WWOX: variants seen among roughly 807,000 people sequenced by gnomAD.
WWOX encodes the protein WW domain-containing oxidoreductase.
A neutral mutation model predicts 46.2 loss-of-function variants in WWOX; 69 were observed. The ratio of observed to expected loss-of-function variants is 1.49; its 90% confidence interval spans 1.23 to 1.82. The LOEUF is 1.82. WWOX is among the 40% of genes most tolerant of loss of function. The pLI is 0.00. For synonymous variants in WWOX, 359 were observed against 202.6 expected, an observed-to-expected ratio of 1.77 and a Z score of -6.56; for missense variants, 919 against 542.6, an observed-to-expected ratio of 1.69 and a Z score of -6.89.
At chr16:79,189,676 T>C (rs751975189) in intron 8 of WWOX, among the ~76,000 whole-genome samples, 8 of 152,082 alleles carry the variant, frequency 5.3e-5, no homozygotes, top group Non-Finnish European at 7.4e-5. Flanking sequence ...GGTTATCTTT[T>C]GACAATAGAT....
At chr16:79,152,624 T>C (rs549272712) in intron 8 of WWOX, among the ~76,000 whole-genome samples, 1 of 149,356 alleles carries the variant, frequency 6.7e-6, no homozygotes, top group Non-Finnish European at 1.5e-5. Context: ...TGAGCCGAGA[T>C]CACGCCACTG....
At chr16:78,276,398 C>G (rs1243951793) in intron 5 of WWOX, among the ~76,000 whole-genome samples, 1 of 152,162 alleles carries the variant, frequency 6.6e-6, no homozygotes, top group African/African-American at 2.4e-5. Flanking sequence ...AATTATAACC[C>G]AAGCGACACA....
intron 4 of WWOX, among the ~76,000 whole-genome samples, chr16:78,122,502 A>G (rs570527151): frequency 6.6e-6 from 1 of 152,334 alleles, no homozygotes; most frequent in East Asian, 1.9e-4. Context: ...GAAAACTTGG[A>G]AATTGTTTTA....
At chr16:78,999,096 C>T (rs547155731) in intron 8 of WWOX, among the ~76,000 whole-genome samples, 1 of 151,364 alleles carries the variant, frequency 6.6e-6, no homozygotes, top group African/African-American at 2.4e-5. Context: ...TTGCGCAACA[C>T]AACTGCAGAG....
intron 8 of WWOX, among the ~76,000 whole-genome samples, chr16:78,900,988 G>A (rs1282680647): frequency 2.0e-5 from 3 of 152,120 alleles, no homozygotes; most frequent in African/African-American, 4.8e-5. Flanking sequence ...TTCCATGAGC[G>A]TTCATATTTT....
intron 5 of WWOX, among the ~76,000 whole-genome samples, chr16:78,231,398 A>G (rs569899902): frequency 5.6e-4 from 85 of 152,342 alleles, no homozygotes; most frequent in African/African-American, 1.9e-3. Context: ...GTGACTAACA[A>G]TAAAACACAG....
chr16:79,083,533 A>C (rs748855498), intron 8 of WWOX, among the ~76,000 whole-genome samples: 2 of 152,160 alleles, frequency 1.3e-5, no homozygotes, highest in Non-Finnish European at 2.9e-5. Context: ...TTTCTTTCTC[A>C]CAAAACCTCA....
In WWOX at chr16:78,250,996, C is replaced by G. The variant is rs567186224; in HGVS notation, c.516+86707C>G. On this transcript the variant is annotated intron_variant, in intron 5 of 8. Transcript: ENST00000566780. ...AAGGGACAAATCTCTGGGTTGGTCA[C>G]TCCTGGATTCCCCAGCCCGGACCAC... Among the ~76,000 whole-genome samples the G allele has an allele frequency of 1.4e-4, 21 of 152,312 alleles. No individual in the cohort carries two copies. In the East Asian group the frequency reaches 3.9e-3, roughly 28 times the overall value.
At chr16:78,680,557 G>C (rs886510445) in intron 8 of WWOX, among the ~76,000 whole-genome samples, 1 of 152,154 alleles carries the variant, frequency 6.6e-6, no homozygotes, top group African/African-American at 2.4e-5. Flanking sequence ...GCCATGTAGA[G>C]CTGGGCTATC....
chr16:78,202,791 GT>G (rs56741910), intron 5 of WWOX, among the ~76,000 whole-genome samples: 33,665 of 139,150 alleles, frequency 0.24, 4,381 homozygotes, highest in African/African-American at 0.36. Flanking sequence ...GCAATTTTTT[GT>G]TTTTTTCATT....
At chr16:79,198,600 G>A (rs529423649) in intron 8 of WWOX, among the ~76,000 whole-genome samples, 1 of 152,166 alleles carries the variant, frequency 6.6e-6, no homozygotes, top group African/African-American at 2.4e-5. Flanking sequence ...CATTGTGAGT[G>A]TCTGATTTCT....
chr16:78,793,154 C>T (rs2050649732), intron 8 of WWOX, among the ~76,000 whole-genome samples: 1 of 152,178 alleles, frequency 6.6e-6, no homozygotes, highest in East Asian at 1.9e-4. Flanking sequence ...GTCACTGCAA[C>T]TGCTGTCTCA....
intron 7 of WWOX, among the ~76,000 whole-genome samples, chr16:78,426,358 A>G (rs927290137): frequency 6.6e-6 from 1 of 152,198 alleles, no homozygotes; most frequent in African/African-American, 2.4e-5. Flanking sequence ...ATGAGCTGGT[A>G]TTTAATGGGA....
chr16:78,371,640 T>G (rs1249202438), intron 5 of WWOX, among the ~76,000 whole-genome samples: 2 of 152,202 alleles, frequency 1.3e-5, no homozygotes, highest in African/African-American at 4.8e-5. Flanking sequence ...TGTTATATAT[T>G]CTTGCTTAAT....
chr16:78,712,895 T>C (rs2048474101), intron 8 of WWOX, among the ~76,000 whole-genome samples: 1 of 152,126 alleles, frequency 6.6e-6, no homozygotes, highest in Non-Finnish European at 1.5e-5. Context: ...TTCTCTGTTT[T>C]GGGGTATGTT....
intron 4 of WWOX, among the ~76,000 whole-genome samples, chr16:78,160,255 C>G (rs1300164479): frequency 6.6e-6 from 1 of 151,852 alleles, no homozygotes; most frequent in African/African-American, 2.4e-5. Flanking sequence ...TGATCATCCT[C>G]CTGAGTAGCT....
In WWOX at chr16:78,663,927, G is replaced by A. The variant is rs139500525; in HGVS notation, c.1056+231175G>A. On this transcript the variant is annotated intron_variant, in intron 8 of 8. Transcript: ENST00000566780. ...GGAGCCAACAGGGATAATAGACAAC[G>A]CTATCAAGAGGGGGGCCAACCACAC... Among the ~76,000 whole-genome samples the A allele has an allele frequency of 4.7e-3, 710 of 152,292 alleles. 6 individuals are homozygous for A. Among genetic ancestry groups the A allele is most frequent in the African/African-American group, 0.012 (480 of 41,556 alleles).
rs1270148050 is a variant in WWOX, at chr16:79,028,548, C to T, written c.1057-183060C>T. ...TCTCCCTCCCTCCCATCCTTTCTTG[C>T]TTTCTTCCCTCCTCTCTCCTTCCTT... On this transcript the variant is annotated intron_variant, in intron 8 of 8. Transcript: ENST00000566780. Among the ~76,000 whole-genome samples, 5 of 151,640 alleles carry T rather than the reference C, an allele frequency of 3.3e-5. No homozygotes were observed. In the South Asian group the frequency reaches 1.0e-3, roughly 31 times the overall value.
intron 8 of WWOX, among the ~76,000 whole-genome samples, chr16:78,852,385 C>G (rs1195639572): frequency 1.3e-5 from 2 of 152,178 alleles, no homozygotes; most frequent in East Asian, 1.9e-4. Flanking sequence ...CTCCTTGTGG[C>G]AGAAGCTAGA....
Sources: allele counts gnomAD v4.1 joint callset (sites outside exome capture counted in the v4.1 genomes callset), GRCh38; gene constraint gnomAD v4.1.1; transcripts MANE v1.5; gene names NCBI Gene and HGNC (gene_info 2026-07-23, HGNC 2026-07-21).